Variants in HTR4 observed in about 807,000 individuals in gnomAD.
HTR4 encodes 5-hydroxytryptamine receptor 4.
HTR4 carries 16 observed loss-of-function variants against 36.8 expected under a neutral mutation model. The ratio of observed to expected loss-of-function variants is 0.43; its 90% CI spans 0.29 to 0.66. HTR4 has a LOEUF of 0.66. Among genes scored for constraint, HTR4 ranks in the 30% least tolerant of loss-of-function variants. The pLI is 0.13. For synonymous variants in HTR4, 189 were observed against 185.1 expected (o/e 1.02, Z -0.17); for missense variants, 438 against 490.9 (o/e 0.89, Z 1.02).
chr5:148,623,922 C>T (rs190085346), intron 2 of HTR4, among the ~76,000 whole-genome samples: 48 of 152,246 alleles, frequency 3.2e-4, no homozygotes, highest in African/African-American at 1.2e-3. Context: ...AAAGGGCGTT[C>T]CCCCTCCCGG....
intron 1 of HTR4, among the ~76,000 whole-genome samples, chr5:148,650,073 G>A (rs558842122): frequency 6.6e-6 from 1 of 151,912 alleles, no homozygotes; most frequent in African/African-American, 2.4e-5. Flanking sequence ...TACATAGTAG[G>A]GTACATGAGA....
At chr5:148,615,677 T>C (rs1270344170) in intron 2 of HTR4, among the ~76,000 whole-genome samples, 1 of 148,382 alleles carries the variant, frequency 6.7e-6, no homozygotes, top group South Asian at 2.1e-4. Flanking sequence ...ACTTAAAGTA[T>C]AATAATTAAA....
At chr5:148,517,874 A>G (rs10069334) in intron 5 of HTR4, among the ~76,000 whole-genome samples, 26,162 of 152,042 alleles carry the variant, frequency 0.17, 3,883 homozygotes, top group African/African-American at 0.39. Flanking sequence ...TTTTCCTCAT[A>G]GTAAAAGTCA....
chr5:148,610,751 C>T (rs993192677), intron 2 of HTR4, among the ~76,000 whole-genome samples: 1 of 147,904 alleles, frequency 6.8e-6, no homozygotes, highest in African/African-American at 2.5e-5. Context: ...GACATTCAAA[C>T]CAAAGGCAAA....
chr5:148,589,614 T>C (rs1761481982), intron 2 of HTR4, among the ~76,000 whole-genome samples: 1 of 152,188 alleles, frequency 6.6e-6, no homozygotes, highest in Non-Finnish European at 1.5e-5. Context: ...ATCTGTTACA[T>C]GGTTTACAAA....
At chr5:148,547,562 A>AAAATAAAATAAAATAAAT (rs1554094300) in intron 4 of HTR4, among the ~76,000 whole-genome samples, 11 of 138,960 alleles carry the variant, frequency 7.9e-5, no homozygotes, top group East Asian at 2.1e-4. Flanking sequence ...AAAATAAAAT[A>AAAATAAAATAAAATAAAT]AAATAAATAA....
chr5:148,529,278 A>G (rs529199800), intron 4 of HTR4, among the ~76,000 whole-genome samples: 2 of 152,294 alleles, frequency 1.3e-5, no homozygotes, highest in East Asian at 3.9e-4. Context: ...GTCCTCTGAT[A>G]TGGTTTGGCT....
intron 2 of HTR4, among the ~76,000 whole-genome samples, chr5:148,573,478 G>C (rs1358116794): frequency 6.6e-6 from 1 of 151,826 alleles, no homozygotes; most frequent in East Asian, 1.9e-4. Context: ...ACATGCTAGA[G>C]GGAAATAGAA....
chr5:148,470,679 C>T (rs1342712396), intron 5 of HTR4, among the ~76,000 whole-genome samples: 1 of 152,156 alleles, frequency 6.6e-6, no homozygotes. Context: ...TTTGCTAACT[C>T]TTGCTCTAGA....
At chr5:148,509,353 T>C in intron 6 of HTR4, 103 bp downstream of exon 6, 1 of 803,526 alleles carries the variant, frequency 1.2e-6, no homozygotes, top group South Asian at 1.9e-5. Context: ...GCAAACTCTA[T>C]GCAGGTTTCA....
At chr5:148,514,216 G>C (rs1757627875) in intron 5 of HTR4, among the ~76,000 whole-genome samples, 1 of 152,020 alleles carries the variant, frequency 6.6e-6, no homozygotes, top group Admixed American at 6.6e-5. Flanking sequence ...AATTTACTAA[G>C]TATGATATTT....
chr5:148,505,854 C>T (rs886394401), intron 6 of HTR4, among the ~76,000 whole-genome samples: 36 of 152,150 alleles, frequency 2.4e-4, no homozygotes, highest in Non-Finnish European at 3.8e-4. Context: ...CTACAAACCA[C>T]TGCTCAACGA....
intron 4 of HTR4, among the ~76,000 whole-genome samples, chr5:148,524,578 G>A (rs1758173640): frequency 6.6e-6 from 1 of 152,130 alleles, no homozygotes; most frequent in African/African-American, 2.4e-5. Flanking sequence ...CTCTGGCCTT[G>A]GAGATCACCT....
chr5:148,636,372 T>C (rs1259434393), intron 2 of HTR4, among the ~76,000 whole-genome samples: 1 of 152,160 alleles, frequency 6.6e-6, no homozygotes, highest in African/African-American at 2.4e-5. Context: ...ATTCATAACA[T>C]TGAGGCCTTA....
At chr5:148,639,771 C>T (rs1753668123) in intron 1 of HTR4, among the ~76,000 whole-genome samples, 1 of 151,602 alleles carries the variant, frequency 6.6e-6, no homozygotes, top group Non-Finnish European at 1.5e-5. Context: ...TATATTGTGT[C>T]CTCATCATAG....
intron 4 of HTR4, among the ~76,000 whole-genome samples, chr5:148,544,615 G>T (rs1346511409): frequency 6.6e-6 from 1 of 152,184 alleles, no homozygotes; most frequent in Middle Eastern, 3.4e-3. Context: ...GTACTCTAAA[G>T]CTTTTAAAGC....
chr5:148,581,393 G>T (rs1405125914), intron 2 of HTR4, among the ~76,000 whole-genome samples: 1 of 151,814 alleles, frequency 6.6e-6, no homozygotes, highest in Non-Finnish European at 1.5e-5. Context: ...GTTTTTGGGT[G>T]CCATATCCAA....
chr5:148,653,608 AACAC>A (rs56205829), intron 1 of HTR4, among the ~76,000 whole-genome samples: 29,022 of 149,256 alleles, frequency 0.19, 3,284 homozygotes, highest in East Asian at 0.39. Context: ...CTCTCTCTCT[AACAC>A]ACACACACAC....
Position 148,639,005 on chromosome 5 carries a change from C to T in HTR4, c.-47-1944G>A, listed in dbSNP as rs200109743. Among the ~76,000 whole-genome samples, 52 of 152,076 alleles carry T rather than the reference C, an allele frequency of 3.4e-4. No homozygotes were observed. The East Asian group carries it at 6.6e-3, about 19-fold the overall frequency. ...GAGGCTGCTGTGAGCCAAGATCACG[C>T]TACTGTACTCCAGCCTGGGTGACAA... On this transcript the variant is annotated intron_variant, in intron 1 of 6. Transcript: ENST00000377888.
Sources: allele counts gnomAD v4.1 joint callset (sites outside exome capture counted in the v4.1 genomes callset), GRCh38; gene constraint gnomAD v4.1.1; transcripts MANE v1.5; gene names NCBI Gene and HGNC (gene_info 2026-07-23, HGNC 2026-07-21).